The following PLCB4 variants were observed in gnomAD, a reference collection of about 807,000 sequenced individuals.
PLCB4 encodes 1-phosphatidylinositol 4,5-bisphosphate phosphodiesterase beta-4.
A neutral mutation model predicts 178.8 loss-of-function variants in PLCB4; 77 were observed. The observed-to-expected ratio is 0.43, with a 90% CI of 0.36 to 0.52. PLCB4 has a LOEUF of 0.52. PLCB4 is among the 20% of genes least tolerant of loss of function. The pLI is 0.00. For missense variants in PLCB4, 1,024 were observed against 1,453.4 expected (o/e 0.70, Z 4.80); for synonymous variants, 496 against 490.8 (o/e 1.01, Z -0.14).
intron 3 of PLCB4, among the ~76,000 whole-genome samples, chr20:9,232,826 A>G (rs566656833): frequency 2.3e-4 from 35 of 152,234 alleles, no homozygotes; most frequent in African/African-American, 8.4e-4. Flanking sequence ...ACAGGAGAAA[A>G]ATAGTCCCTT....
At chr20:9,238,128 G>A (rs1019662478) in intron 3 of PLCB4, among the ~76,000 whole-genome samples, 1 of 152,190 alleles carries the variant, frequency 6.6e-6, no homozygotes, top group African/African-American at 2.4e-5. Flanking sequence ...TGGAAAGAGA[G>A]TTCTGAGCAG....
At chr20:9,260,130 A>G (rs1402575244) in intron 3 of PLCB4, among the ~76,000 whole-genome samples, 1 of 152,112 alleles carries the variant, frequency 6.6e-6, no homozygotes, top group Non-Finnish European at 1.5e-5. Flanking sequence ...TATGTTTTAG[A>G]AAATTTTCAT....
chr20:9,219,958 A>G (rs1026124596), intron 3 of PLCB4, among the ~76,000 whole-genome samples: 2 of 152,322 alleles, frequency 1.3e-5, no homozygotes, highest in South Asian at 4.1e-4. Flanking sequence ...TCTTATTTCT[A>G]TAAAGGCAAA....
chr20:9,397,198 A>T (rs569117672), intron 19 of PLCB4, among the ~76,000 whole-genome samples: 1 of 152,336 alleles, frequency 6.6e-6, no homozygotes, highest in African/African-American at 2.4e-5. Context: ...TACCTGGAGT[A>T]GATTCCATCT....
At chr20:9,293,948 G>A (rs1232119688) in intron 3 of PLCB4, among the ~76,000 whole-genome samples, 1 of 152,108 alleles carries the variant, frequency 6.6e-6, no homozygotes, top group Non-Finnish European at 1.5e-5. Flanking sequence ...CGGGGGGCAA[G>A]GAATCAATTC....
In PLCB4 at chr20:9,473,283, C is replaced by A; in HGVS notation, c.3413C>A (p.Ala1138Asp). 3 of 1,494,376 alleles carry A rather than the reference C, an allele frequency of 2.0e-6. No homozygotes were observed. Among genetic ancestry groups the A allele is most frequent in the South Asian group, 2.6e-5 (2 of 76,532 alleles). 92.6% of individuals were successfully genotyped at this position (1,494,376 alleles called of 1,614,324 possible). Residue 1138 changes from alanine to aspartate, a missense_variant, in exon 38 of 40, where the codon GCC becomes GAC. By Grantham distance (126) the Ala-to-Asp change is moderately radical (BLOSUM62 -2). Coordinates refer to ENST00000378473, the MANE Select transcript of PLCB4 (RefSeq NM_001377142.1). ...KKFLEERKRL[A>D]MKQSKEMDQL... ...TTTTTTTTTTTTTTTTTGCAGCTTGCCATGAAGCAGTCCAAAGAAATGGAT... is the reference window on the plus strand; with the variant it reads ...TTTTTTTTTTTTTTTTTGCAGCTTGACATGAAGCAGTCCAAAGAAATGGAT...
chr20:9,093,161 A>G (rs2090757980), intron 1 of PLCB4, among the ~76,000 whole-genome samples: 2 of 152,226 alleles, frequency 1.3e-5, no homozygotes, highest in Non-Finnish European at 2.9e-5. Context: ...ACTAGTCCTC[A>G]TATTATGGCT....
chr20:9,440,137 A>G (rs1029728484), intron 30 of PLCB4, among the ~76,000 whole-genome samples: 3 of 152,208 alleles, frequency 2.0e-5, no homozygotes, highest in Non-Finnish European at 4.4e-5. Flanking sequence ...AGGTGAAAGT[A>G]CAGATGCTCC....
intron 18 of PLCB4, among the ~76,000 whole-genome samples, chr20:9,394,362 G>A (rs1181107714): frequency 6.6e-6 from 1 of 152,028 alleles, no homozygotes; most frequent in Non-Finnish European, 1.5e-5. Context: ...GAAAGTAACA[G>A]CACTAACATA....
At chr20:9,197,534 T>C (rs557148468) in intron 2 of PLCB4, among the ~76,000 whole-genome samples, 7 of 152,358 alleles carry the variant, frequency 4.6e-5, no homozygotes, top group Admixed American at 3.9e-4. Flanking sequence ...TGGTTTTACC[T>C]TGTCGAATGT....
At chr20:9,424,462 G>T (rs1290969406) in intron 28 of PLCB4, among the ~76,000 whole-genome samples, 1 of 152,166 alleles carries the variant, frequency 6.6e-6, no homozygotes, top group Non-Finnish European at 1.5e-5. Flanking sequence ...TTAAGTCATA[G>T]AATTTTGCTT....
At chr20:9,355,631 A>AT (rs2034737041) in intron 7 of PLCB4, among the ~76,000 whole-genome samples, 2 of 151,826 alleles carry the variant, frequency 1.3e-5, no homozygotes, top group Admixed American at 6.6e-5. Flanking sequence ...TGAACTCATC[A>AT]TTTTTTATGG....
In PLCB4 at chr20:9,410,974, A is replaced by G. The variant is rs957865650; in HGVS notation, c.2000-63A>G. 17 of 1,165,756 alleles carry G rather than the reference A, an allele frequency of 1.5e-5. No homozygotes were observed. The East Asian group carries it at 3.5e-4, about 24-fold the overall frequency. The allele number at this position is 1,165,756 out of a possible 1,614,324, so 72.2% of individuals were successfully genotyped here. On this transcript the variant is annotated intron_variant, in intron 24 of 39. Transcript: ENST00000378473. Reference sequence around the variant, plus strand: ...AATCTGATACCTATTGTTTCAAATCACCCCGTCAGGGTCTTTTTTGTCTAG... The same window carrying G: ...AATCTGATACCTATTGTTTCAAATCGCCCCGTCAGGGTCTTTTTTGTCTAG...
At chr20:9,165,806 T>A (rs911980579) in intron 2 of PLCB4, among the ~76,000 whole-genome samples, 39 of 151,254 alleles carry the variant, frequency 2.6e-4, no homozygotes, top group African/African-American at 9.5e-4. Context: ...TGTGTGTGTG[T>A]GTGTGTGTGT....
At position 9,193,976 on chromosome 20, in the gene PLCB4, T is replaced by C. The variant is rs530703092; in HGVS notation, c.-78-23414T>C. Among the ~76,000 whole-genome samples the C allele has an allele frequency of 7.2e-5, 11 of 152,236 alleles. No individual in the cohort carries two copies. The East Asian group carries it at 2.1e-3, about 30-fold the overall frequency. On this transcript the variant is annotated intron_variant, in intron 2 of 39. Coordinates refer to ENST00000378473, the MANE Select transcript of PLCB4 (RefSeq NM_001377142.1). ...TTACTGTCTTCTTTAAAGTATGGGATATAGTGTCTTTAAGCATGAACTGCT... is the reference window on the plus strand; with the variant it reads ...TTACTGTCTTCTTTAAAGTATGGGACATAGTGTCTTTAAGCATGAACTGCT...
intron 25 of PLCB4, among the ~76,000 whole-genome samples, chr20:9,413,520 G>T (rs981227817): frequency 6.6e-6 from 1 of 151,910 alleles, no homozygotes; most frequent in African/African-American, 2.4e-5. Context: ...TTAGCCGGGC[G>T]TGGTGGCGGG....
chr20:9,090,390 A>G (rs2090624034), intron 1 of PLCB4, among the ~76,000 whole-genome samples: 1 of 152,022 alleles, frequency 6.6e-6, no homozygotes, highest in African/African-American at 2.4e-5. Context: ...ATGTATGTGT[A>G]TGGGAAATCT....
intron 3 of PLCB4, among the ~76,000 whole-genome samples, chr20:9,292,051 G>A (rs1458614538): frequency 1.3e-5 from 2 of 152,090 alleles, no homozygotes; most frequent in Non-Finnish European, 2.9e-5. Flanking sequence ...ATTTTAATGA[G>A]AAAATAGTTT....
chr20:9,412,272 A>G (rs2039911974), intron 25 of PLCB4, among the ~76,000 whole-genome samples: 1 of 152,156 alleles, frequency 6.6e-6, no homozygotes, highest in African/African-American at 2.4e-5. Flanking sequence ...CTCCTCTCCC[A>G]AGTAGTGGGC....
Sources: allele counts gnomAD v4.1 joint callset (sites outside exome capture counted in the v4.1 genomes callset), GRCh38; gene constraint gnomAD v4.1.1; transcripts MANE v1.5; gene names NCBI Gene and HGNC (gene_info 2026-07-23, HGNC 2026-07-21).